GPM6A: variants seen among roughly 807,000 people sequenced by gnomAD.
GPM6A encodes neuronal membrane glycoprotein M6-a.
GPM6A carries 7 observed loss-of-function variants against 32.1 expected under a neutral mutation model. That is an observed-to-expected ratio of 0.22 (90% confidence interval 0.12 to 0.41). The LOEUF (loss-of-function observed/expected upper bound fraction) is 0.41, where lower values mean the gene tolerates loss of function less well. GPM6A is among the 10% of genes least tolerant of loss of function. GPM6A has a pLI of 1.00. For missense variants in GPM6A, 235 were observed against 347.2 expected, an observed-to-expected ratio of 0.68 and a Z score of 2.57; for synonymous variants, 130 against 123.4, an observed-to-expected ratio of 1.05 and a Z score of -0.35.
At chr4:175,819,692 A>G (rs914222576) in intron 1 of GPM6A, among the ~76,000 whole-genome samples, 1 of 152,304 alleles carries the variant, frequency 6.6e-6, no homozygotes, top group African/African-American at 2.4e-5. Context: ...TTCTGACCCC[A>G]AAGCCCATTC....
At chr4:175,951,076 A>G (rs73873511) in intron 1 of GPM6A, among the ~76,000 whole-genome samples, 9,053 of 152,066 alleles carry the variant, frequency 0.06, 834 homozygotes, top group African/African-American at 0.2. Context: ...TGGGAAAGGG[A>G]ATTTCATCTC....
chr4:175,902,252 T>C (rs1276255450), intron 1 of GPM6A, among the ~76,000 whole-genome samples: 1 of 152,110 alleles, frequency 6.6e-6, no homozygotes, highest in East Asian at 1.9e-4. Flanking sequence ...AAAGAATACA[T>C]GGTTATGATA....
At chr4:175,828,747 T>C (rs1735514191) in intron 1 of GPM6A, among the ~76,000 whole-genome samples, 1 of 152,094 alleles carries the variant, frequency 6.6e-6, no homozygotes, top group South Asian at 2.1e-4. Context: ...ATAGAACCCA[T>C]AGATCTTATG....
At chr4:175,926,836 A>G (rs989631778) in intron 1 of GPM6A, among the ~76,000 whole-genome samples, 1 of 152,178 alleles carries the variant, frequency 6.6e-6, no homozygotes, top group Non-Finnish European at 1.5e-5. Context: ...TAATAACTAT[A>G]TAATAAAATA....
intron 1 of GPM6A, among the ~76,000 whole-genome samples, chr4:175,889,060 C>A (rs1737549501): frequency 6.6e-6 from 1 of 152,012 alleles, no homozygotes; most frequent in Non-Finnish European, 1.5e-5. Context: ...AAGTGTTGGA[C>A]AACTGACAAA....
rs143753357 is a variant in GPM6A at position 175,747,319 on chromosome 4, C to A, written c.38-45552G>T. The stretch of plus-strand genomic sequence containing the variant: ...AGGAACCCTAAGACATAGTATTTTT[C>A]ATTGCTGTCATAATAAGACTGAATT... On this transcript the variant is annotated intron_variant, in intron 1 of 6. Coordinates refer to ENST00000393658, the MANE Select transcript of GPM6A (RefSeq NM_201591.3). 3.7e-4 allele frequency among the ~76,000 whole-genome samples: 55 copies of A among 148,640 alleles called. No individual in the cohort carries two copies. In the East Asian group the frequency reaches 9.8e-3, roughly 26 times the overall value.
intron 1 of GPM6A, among the ~76,000 whole-genome samples, chr4:175,755,229 T>C (rs1732483249): frequency 6.6e-6 from 1 of 152,100 alleles, no homozygotes; most frequent in South Asian, 2.1e-4. Flanking sequence ...AATGTGGCAT[T>C]TCTGGTTGAC....
At chr4:175,762,029 G>A (rs532369651) in intron 1 of GPM6A, among the ~76,000 whole-genome samples, 42 of 152,188 alleles carry the variant, frequency 2.8e-4, no homozygotes, top group African/African-American at 7.5e-4. Context: ...CTTGACCTCA[G>A]GTAATCCAGC....
At chr4:175,644,273 C>G (rs886199525) in intron 4 of GPM6A, among the ~76,000 whole-genome samples, 1 of 151,900 alleles carries the variant, frequency 6.6e-6, no homozygotes, top group African/African-American at 2.4e-5. Context: ...TAGACTTTCA[C>G]TCCTGCTCTG....
intron 2 of GPM6A, among the ~76,000 whole-genome samples, chr4:175,696,586 A>C: frequency 6.6e-6 from 1 of 152,226 alleles, no homozygotes; most frequent in East Asian, 1.9e-4. Flanking sequence ...TATGACTTAC[A>C]TTATGTTTGA....
intron 1 of GPM6A, among the ~76,000 whole-genome samples, chr4:175,903,167 T>C (rs943397560): frequency 3.3e-5 from 5 of 151,754 alleles, no homozygotes; most frequent in Non-Finnish European, 7.4e-5. Context: ...CAACAGAGAG[T>C]GACAAAAGTT....
chr4:175,934,315 G>A (rs1579641323), intron 1 of GPM6A, among the ~76,000 whole-genome samples: 1 of 152,066 alleles, frequency 6.6e-6, no homozygotes, highest in South Asian at 2.1e-4. Flanking sequence ...ATCAATTAAC[G>A]CTTAAGAGAA....
At chr4:175,970,593 A>C (rs925837766) in intron 1 of GPM6A, among the ~76,000 whole-genome samples, 1 of 152,160 alleles carries the variant, frequency 6.6e-6, no homozygotes, top group African/African-American at 2.4e-5. Flanking sequence ...TTCTAAGCTT[A>C]TTTCTTTCCT....
chr4:175,676,230 C>T (rs77588831), intron 2 of GPM6A, among the ~76,000 whole-genome samples: 3 of 152,202 alleles, frequency 2.0e-5, no homozygotes, highest in Non-Finnish European at 2.9e-5. Context: ...ATAAATTACC[C>T]GGTCTCAGGT....
intron 1 of GPM6A, among the ~76,000 whole-genome samples, chr4:175,809,370 C>T (rs562998447): frequency 1.1e-4 from 16 of 150,504 alleles, no homozygotes; most frequent in Non-Finnish European, 2.2e-4. Context: ...TCAAAACACT[C>T]TTTTCTTTTT....
At chr4:175,682,279 A>G (rs1266786649) in intron 2 of GPM6A, among the ~76,000 whole-genome samples, 5 of 152,220 alleles carry the variant, frequency 3.3e-5, no homozygotes, top group Non-Finnish European at 5.9e-5. Context: ...CTAACAGCCA[A>G]TGCTCAGATG....
At chr4:175,895,959 C>G (rs1737783657) in intron 1 of GPM6A, among the ~76,000 whole-genome samples, 1 of 152,110 alleles carries the variant, frequency 6.6e-6, no homozygotes, top group Non-Finnish European at 1.5e-5. Flanking sequence ...AATCCTGAAT[C>G]TCTCCATCTG....
chr4:175,684,701 C>T (rs2111017525), intron 2 of GPM6A, among the ~76,000 whole-genome samples: 1 of 152,188 alleles, frequency 6.6e-6, no homozygotes, highest in South Asian at 2.1e-4. Context: ...CTAGATTTAT[C>T]TGTTCGGTCC....
chr4:175,810,390 G>A (rs1178740570), intron 1 of GPM6A, among the ~76,000 whole-genome samples: 1 of 152,018 alleles, frequency 6.6e-6, no homozygotes, highest in African/African-American at 2.4e-5. Context: ...ACCACTAAAC[G>A]TTTTTTCTGA....
Sources: gnomAD v4.1 joint callset for allele counts (sites outside exome capture counted in the v4.1 genomes callset) on GRCh38, gnomAD v4.1.1 for gene constraint, MANE v1.5 for transcripts, NCBI Gene and HGNC (gene_info 2026-07-23, HGNC 2026-07-21) for gene names.